The following GOLGB1 variants were observed in gnomAD, a reference collection of about 807,000 sequenced individuals.
The protein encoded by GOLGB1 is golgin subfamily B member 1.
A neutral mutation model predicts 336.9 loss-of-function variants in GOLGB1; 174 were observed. The observed-to-expected ratio is 0.52, with a 90% CI of 0.46 to 0.59. GOLGB1 has a LOEUF of 0.59. Among genes scored for constraint, GOLGB1 ranks in the 20% least tolerant of loss-of-function variants. The probability of loss-of-function intolerance (pLI) is 0.00; values close to 1 mark genes in which losing one functional copy is unlikely to be tolerated. For missense variants in GOLGB1, 3,331 were observed against 3,645.3 expected (o/e 0.91, Z 2.22); for synonymous variants, 1,208 against 1,289.2 (o/e 0.94, Z 1.35).
At chr3:121,690,633 T>C in intron 14 of GOLGB1, 37 bp downstream of exon 14, 1 of 1,136,560 alleles carries the variant, frequency 8.8e-7, no homozygotes, top group Non-Finnish European at 1.2e-6. Context: ...GTTCAAAAAC[T>C]CTTAAACAGA....
intron 15 of GOLGB1, among the ~76,000 whole-genome samples, chr3:121,678,827 C>T (rs1940728028): frequency 6.6e-6 from 1 of 152,174 alleles, no homozygotes; most frequent in African/African-American, 2.4e-5. Context: ...GCTAGGATTA[C>T]AGGTGTGAGC....
At chr3:121,733,046 A>G (rs146214433) in intron 1 of GOLGB1, among the ~76,000 whole-genome samples, 19 of 152,240 alleles carry the variant, frequency 1.2e-4, no homozygotes, top group Non-Finnish European at 1.6e-4. Flanking sequence ...ACTGCAGGCC[A>G]GGTGCGGTAG....
chr3:121,699,720 C>T, intron 12 of GOLGB1, 92 bp downstream of exon 12: 2 of 703,264 alleles, frequency 2.8e-6, no homozygotes, highest in Admixed American at 4.9e-5. Flanking sequence ...ACTTCTCTGG[C>T]AACACTAGAA....
intron 10 of GOLGB1, among the ~76,000 whole-genome samples, chr3:121,702,949 G>T (rs1029370672): frequency 2.6e-5 from 4 of 152,170 alleles, no homozygotes; most frequent in African/African-American, 9.6e-5. Context: ...AAGTAACATG[G>T]TCTCTCTCCT....
chr3:121,688,843 G>A (rs1447215348), intron 14 of GOLGB1, among the ~76,000 whole-genome samples: 36 of 151,568 alleles, frequency 2.4e-4, no homozygotes, highest in Non-Finnish European at 4.7e-4. Context: ...CCGCGACCCC[G>A]TCTGGGAGGT....
intron 1 of GOLGB1, among the ~76,000 whole-genome samples, chr3:121,744,212 T>C (rs1327331334): frequency 6.6e-6 from 1 of 152,090 alleles, no homozygotes; most frequent in Non-Finnish European, 1.5e-5. Flanking sequence ...CTCTTTAATC[T>C]TAACAAAATC....
intron 15 of GOLGB1, among the ~76,000 whole-genome samples, chr3:121,681,477 A>G (rs1941066595): frequency 6.6e-6 from 1 of 152,200 alleles, no homozygotes; most frequent in African/African-American, 2.4e-5. Flanking sequence ...TGCATGTAAA[A>G]CTGGTGGAAT....
At chr3:121,713,937 T>C (rs559488222) in intron 10 of GOLGB1, among the ~76,000 whole-genome samples, 1 of 152,324 alleles carries the variant, frequency 6.6e-6, no homozygotes, top group South Asian at 2.1e-4. Flanking sequence ...AATAAATAGA[T>C]AGACATTTGA....
chr3:121,745,327 T>C (rs1947184548), intron 1 of GOLGB1, among the ~76,000 whole-genome samples: 1 of 148,116 alleles, frequency 6.8e-6, no homozygotes, highest in Admixed American at 6.8e-5. Flanking sequence ...TACACGTGTA[T>C]GTATATATAC....
intron 1 of GOLGB1, among the ~76,000 whole-genome samples, chr3:121,738,546 G>A (rs914835186): frequency 2.0e-5 from 3 of 152,184 alleles, no homozygotes; most frequent in Admixed American, 6.5e-5. Flanking sequence ...CCTCAAAAGA[G>A]CCAGTGGGCA....
At chr3:121,666,591 T>C (rs1415828012) in intron 20 of GOLGB1, among the ~76,000 whole-genome samples, 1 of 152,162 alleles carries the variant, frequency 6.6e-6, no homozygotes, top group Non-Finnish European at 1.5e-5. Context: ...TGTGAATATG[T>C]TGGATTGGAA....
At chr3:121,676,833 C>A in intron 17 of GOLGB1, 60 bp downstream of exon 17, 1 of 1,484,758 alleles carries the variant, frequency 6.7e-7, no homozygotes, top group East Asian at 2.3e-5. Flanking sequence ...CTTCTACTTG[C>A]CTTCTTGTTC....
intron 17 of GOLGB1, among the ~76,000 whole-genome samples, chr3:121,674,504 T>C (rs1940049712): frequency 6.6e-6 from 1 of 152,240 alleles, no homozygotes; most frequent in African/African-American, 2.4e-5. Flanking sequence ...CTGAATATTT[T>C]CAATCTACAG....
At chr3:121,702,449 G>T in intron 11 of GOLGB1, 32 bp downstream of exon 11, 3 of 949,346 alleles carry the variant, frequency 3.2e-6, no homozygotes, top group South Asian at 2.3e-5. Context: ...GGGATAAGAA[G>T]ACAGAGAATT....
intron 20 of GOLGB1, 102 bp downstream of exon 20, chr3:121,667,374 T>C (rs1330383972): frequency 8.0e-7 from 1 of 1,252,674 alleles, no homozygotes; most frequent in East Asian, 2.3e-5. Flanking sequence ...TACCTCAAGA[T>C]GAGAAAAAGA....
chr3:121,704,160 T>C (rs1943628855), intron 10 of GOLGB1, among the ~76,000 whole-genome samples: 1 of 151,482 alleles, frequency 6.6e-6, no homozygotes, highest in African/African-American at 2.4e-5. Context: ...CAGGGACATG[T>C]GGGACAATAT....
At chr3:121,719,005 T>A (rs1028523481) in intron 7 of GOLGB1, among the ~76,000 whole-genome samples, 2 of 152,230 alleles carry the variant, frequency 1.3e-5, no homozygotes, top group Non-Finnish European at 2.9e-5. Context: ...AAAACTTTAT[T>A]TAGTGGTGCA....
intron 10 of GOLGB1, among the ~76,000 whole-genome samples, chr3:121,709,412 T>C (rs1944159889): frequency 6.6e-6 from 1 of 152,176 alleles, no homozygotes; most frequent in East Asian, 1.9e-4. Flanking sequence ...CAAGACACCA[T>C]ATGCTGTGTC....
In GOLGB1 at chr3:121,696,623, C is replaced by T. The variant is rs751754067; in HGVS notation, c.3900G>A (p.Ala1300=). 2.2e-5 allele frequency: 35 copies of T among 1,614,016 alleles called. No homozygotes were observed. Among genetic ancestry groups the T allele is most frequent in the Middle Eastern group, 3.3e-4 (2 of 6,082 alleles). The change falls in exon 13 of 22, where the codon GCG becomes GCA. Residue 1300 remains alanine, a synonymous_variant. Coordinates refer to ENST00000614479, the MANE Select transcript of GOLGB1 (RefSeq NM_001366282.2). The part of the protein sequence containing the change: ...CPDWPSHSED[A]SALQGGTSVA... Reference sequence around the variant, plus strand: ...CAGAAGTTCCGCCCTGCAGAGCACTCGCATCTTCAGAATGAGAAGGCCAGT... The same window carrying T: ...CAGAAGTTCCGCCCTGCAGAGCACTTGCATCTTCAGAATGAGAAGGCCAGT...
Sources: allele counts gnomAD v4.1 joint callset (sites outside exome capture counted in the v4.1 genomes callset), GRCh38; gene constraint gnomAD v4.1.1; transcripts MANE v1.5; gene names NCBI Gene and HGNC (gene_info 2026-07-23, HGNC 2026-07-21).